LRRCC1: variants seen among roughly 807,000 people sequenced by gnomAD.
The protein encoded by LRRCC1 is leucine-rich repeat and coiled-coil domain-containing protein 1.
Under a neutral mutation model 126.0 loss-of-function variants are expected in LRRCC1, and 115 were observed. That is an observed-to-expected ratio of 0.91 (90% confidence interval 0.78 to 1.07). The LOEUF (loss-of-function observed/expected upper bound fraction) is 1.07, where lower values mean the gene tolerates loss of function less well. Among genes scored for constraint, LRRCC1 ranks in the 50% least tolerant of loss-of-function variants. LRRCC1 has a pLI of 0.00. For missense variants in LRRCC1, 1,172 were observed against 1,175.7 expected (o/e 1.00, Z 0.05); for synonymous variants, 400 against 393.4 (o/e 1.02, Z -0.20).
Position 85,129,337 on chromosome 8 carries a change from A to AG in LRRCC1, c.1585dup (p.Glu529GlyfsTer30), listed in dbSNP as rs763432757. The stretch of plus-strand genomic sequence containing the variant: ...ACTTAAGAACCCTCGAAAAAACATT[A>AG]GAAAAAATGGAGAGACAAAAAAGGC... On this transcript the variant is annotated frameshift_variant, in exon 10 of 19. Transcript: ENST00000360375. LOFTEE classifies it high-confidence loss of function. 16 of 1,612,786 alleles carry AG rather than the reference A, an allele frequency of 9.9e-6. No individual in the cohort carries two copies. Among genetic ancestry groups the AG allele is most frequent in the Non-Finnish European group, 7.6e-6 (9 of 1,179,726 alleles).
Position 85,141,478 on chromosome 8 carries a change from C to T in LRRCC1, c.2937C>T (p.Ala979=), listed in dbSNP as rs2136005390. The change falls in exon 18 of 19, where the codon GCC becomes GCT. Residue 979 remains alanine, a synonymous_variant. Transcript: ENST00000360375. ...EAHQAEIAQL[A]NEKQKCIDSA... The stretch of plus-strand genomic sequence containing the variant: ...ATCAAGCTGAAATAGCACAGCTGGC[C>T]AATGAAAAGCAGAAGTGTATTGATT... 6.2e-7 allele frequency: 1 copy of T among 1,612,260 alleles called. No individual in the cohort carries two copies. Among genetic ancestry groups the T allele is most frequent in the Non-Finnish European group, 8.5e-7 (1 of 1,179,098 alleles).
intron 8 of LRRCC1, among the ~76,000 whole-genome samples, chr8:85,125,590 G>A (rs1478690008): frequency 1.4e-5 from 2 of 145,466 alleles, no homozygotes; most frequent in African/African-American, 2.6e-5. Flanking sequence ...GGAGAATGGC[G>A]TGAACCCGGG....
At chr8:85,125,509 T>A (rs560550005) in intron 8 of LRRCC1, among the ~76,000 whole-genome samples, 1 of 149,138 alleles carries the variant, frequency 6.7e-6, no homozygotes, top group South Asian at 2.1e-4. Context: ...CCGTCTCTAC[T>A]AAAAATACAA....
Position 85,145,794 on chromosome 8 carries a change from A to G in LRRCC1, c.*283A>G. On this transcript the variant is annotated 3_prime_UTR_variant, in exon 19 of 19. Coordinates refer to ENST00000360375, the MANE Select transcript of LRRCC1 (RefSeq NM_033402.5). ...TTGTTTGGTAATTACACATTTGCCT[A>G]CAAATTTGTGAATGAAAAGATTAGT... 1 of 170,978 alleles carries G rather than the reference A, an allele frequency of 5.8e-6. No homozygotes were observed. The highest frequency in any genetic ancestry group is 1.2e-5 in the Non-Finnish European group (1 of 80,292). 10.6% of individuals were successfully genotyped at this position (170,978 alleles called of 1,614,324 possible).
Position 85,137,612 on chromosome 8 carries a change from T to C in LRRCC1, c.2478T>C (p.Ile826=). The part of the protein sequence containing the change: ...CKIIDDQTET[I]RKLKDCLQEK... ...TCATAGACGACCAAACTGAAACTAT[T>C]AGAAAATTAAAAGATGTAAGTTTGA... Residue 826 remains isoleucine (I), a synonymous_variant, in exon 15 of 19, where the codon ATT becomes ATC. Coordinates refer to ENST00000360375, the MANE Select transcript of LRRCC1 (RefSeq NM_033402.5). The C allele has an allele frequency of 6.9e-7, 1 of 1,457,058 alleles. No individual in the cohort carries two copies. Among genetic ancestry groups the C allele is most frequent in the East Asian group, 2.6e-5 (1 of 38,526 alleles). The allele number at this position is 1,457,058 out of a possible 1,614,324, so 90.3% of individuals were successfully genotyped here.
At position 85,145,608 on chromosome 8, in the gene LRRCC1, T is replaced by C. The variant is rs1337616981; in HGVS notation, c.*97T>C. 1.0e-6 allele frequency: 1 copy of C among 966,780 alleles called. No individual in the cohort carries two copies. Among genetic ancestry groups the C allele is most frequent in the Admixed American group, 3.0e-5 (1 of 33,480 alleles). 59.9% of individuals were successfully genotyped at this position (966,780 alleles called of 1,614,324 possible). The stretch of plus-strand genomic sequence containing the variant: ...TAGTAACTGCTATGACTTTGAAATG[T>C]CTCTTTCTATACATTTCATTATGAA... On this transcript the variant is annotated 3_prime_UTR_variant, in exon 19 of 19. Coordinates refer to ENST00000360375, the MANE Select transcript of LRRCC1 (RefSeq NM_033402.5).
intron 6 of LRRCC1, among the ~76,000 whole-genome samples, chr8:85,121,165 T>G (rs549081549): frequency 4.1e-4 from 63 of 152,324 alleles, no homozygotes; most frequent in African/African-American, 1.2e-3. Flanking sequence ...TGGCATCCAT[T>G]TACTTTTAAC....
At chr8:85,131,141 T>C (rs1164826360) in intron 11 of LRRCC1, among the ~76,000 whole-genome samples, 2 of 152,220 alleles carry the variant, frequency 1.3e-5, no homozygotes, top group Non-Finnish European at 2.9e-5. Flanking sequence ...GAGACAATTA[T>C]AAAAGATTGG....
intron 18 of LRRCC1, among the ~76,000 whole-genome samples, chr8:85,142,739 AG>A (rs1042151749): frequency 4.0e-5 from 6 of 151,144 alleles, no homozygotes; most frequent in African/African-American, 7.3e-5. Flanking sequence ...CTGAGGTCAC[AG>A]GATCACTTGA....
At position 85,138,349 on chromosome 8, in the gene LRRCC1, G is replaced by A. The variant is rs200656827; in HGVS notation, c.2714G>A (p.Arg905Gln). The A allele has an allele frequency of 9.7e-5, 156 of 1,602,548 alleles. No individual in the cohort carries two copies. The highest frequency in any genetic ancestry group is 3.5e-5 in the Admixed American group (2 of 57,508). ...EIRKAYSTLN[R>Q]KWHDKGELLC... is the part of the protein sequence containing the mutation. Reference sequence around the variant, plus strand: ...ACTTCTCATATTAGTACACTGAATCGGAAGTGGCATGATAAAGGAGAACTT... The same window carrying A: ...ACTTCTCATATTAGTACACTGAATCAGAAGTGGCATGATAAAGGAGAACTT... The change falls in exon 17 of 19, where the codon CGG becomes CAG. Residue 905 changes from arginine to glutamine, a missense_variant. Physicochemically the swap from Arg to Gln is conservative, Grantham distance 43. Transcript: ENST00000360375.
chr8:85,108,303 C>T (rs1328724630), intron 1 of LRRCC1, among the ~76,000 whole-genome samples: 1 of 152,216 alleles, frequency 6.6e-6, no homozygotes, highest in Non-Finnish European at 1.5e-5. Context: ...TTAATACTAG[C>T]TGCCATTTAC....
chr8:85,141,546 T>C, intron 18 of LRRCC1, 29 bp downstream of exon 18: 1 of 1,521,236 alleles, frequency 6.6e-7, no homozygotes, highest in Non-Finnish European at 9.0e-7. Context: ...ACTTCAATAA[T>C]CAGTATATTA....
chr8:85,130,135 AT>A (rs11312968), intron 11 of LRRCC1, 77 bp downstream of exon 11: 247,171 of 626,356 alleles, frequency 0.39, 16,395 homozygotes, highest in Admixed American at 0.42. Flanking sequence ...CACTACCAGT[AT>A]TTTTTTTTTT....
Position 85,125,064 on chromosome 8 carries a change from A to AT in LRRCC1, c.1272+131dup, listed in dbSNP as rs1182431530. On this transcript the variant is annotated intron_variant, in intron 8 of 18. Coordinates refer to ENST00000360375, the MANE Select transcript of LRRCC1 (RefSeq NM_033402.5). ...TTTATTGGAGTGATGAAAATGGGTT[A>AT]TTTTTTCCTTCCTGATTTCCAGATT... The AT allele has an allele frequency of 1.0e-5, 6 of 592,562 alleles. No homozygotes were observed. In the Admixed American group the frequency reaches 1.6e-4, roughly 15 times the overall value. The allele number at this position is 592,562 out of a possible 1,614,324, so 36.7% of individuals were successfully genotyped here.
In LRRCC1 at chr8:85,137,490, A is replaced by C; in HGVS notation, c.2356A>C (p.Lys786Gln). The change falls in exon 15 of 19, where the codon AAA becomes CAA. Residue 786 changes from lysine to glutamine, a missense_variant. By Grantham distance (53) the Lys-to-Gln change is moderately conservative. Transcript: ENST00000360375. ...QGSSLAQNRG[K>Q]LEAQIESLSR... ...ATCTTCTCTAGCCCAAAATCGTGGA[A>C]AATTGGAGGCTCAAATTGAGAGTTT... 1 of 1,556,976 alleles carries C rather than the reference A, an allele frequency of 6.4e-7. No individual in the cohort carries two copies. The highest frequency in any genetic ancestry group is 8.6e-7 in the Non-Finnish European group (1 of 1,159,914).
At chr8:85,134,426 T>C (rs1587430237) in intron 12 of LRRCC1, among the ~76,000 whole-genome samples, 1 of 152,270 alleles carries the variant, frequency 6.6e-6, no homozygotes, top group East Asian at 1.9e-4. Context: ...CAAGTGATTC[T>C]CCTGCCTCAG....
In LRRCC1 at chr8:85,109,595, C is replaced by T; in HGVS notation, c.105C>T (p.Ser35=). ...DVCFMDKGLQ[S]ISELSLDSTL... ...TTATAGTATATATTTTCTTTTATAGCATATCAGAATTATCTTTAGATTCAA... is the reference window on the plus strand; with the variant it reads ...TTATAGTATATATTTTCTTTTATAGTATATCAGAATTATCTTTAGATTCAA... Residue 35 remains serine (S), a splice_region_variant and synonymous_variant, in exon 2 of 19, where the codon AGC becomes AGT. Coordinates refer to ENST00000360375, the MANE Select transcript of LRRCC1 (RefSeq NM_033402.5). 1 of 1,553,492 alleles carries T rather than the reference C, an allele frequency of 6.4e-7. No homozygotes were observed. The highest frequency in any genetic ancestry group is 8.8e-7 in the Non-Finnish European group (1 of 1,134,118).
intron 11 of LRRCC1, 33 bp downstream of exon 11, chr8:85,130,091 A>C (rs773026831): frequency 2.0e-6 from 3 of 1,486,726 alleles, no homozygotes; most frequent in Non-Finnish European, 2.7e-6. Flanking sequence ...ATGTATTGGC[A>C]TTTAAAAAAA....
intron 8 of LRRCC1, 29 bp from the exon 9 acceptor site, chr8:85,126,660 G>A: frequency 1.3e-6 from 2 of 1,591,166 alleles, no homozygotes; most frequent in Non-Finnish European, 1.7e-6. Flanking sequence ...ACTTTTCTAA[G>A]TTCACATAAC....
Sources: allele counts gnomAD v4.1 joint callset (sites outside exome capture counted in the v4.1 genomes callset), GRCh38; gene constraint gnomAD v4.1.1; transcripts MANE v1.5; gene names NCBI Gene and HGNC (gene_info 2026-07-23, HGNC 2026-07-21).